The following ZBTB7C variants were observed in gnomAD, a reference collection of about 807,000 sequenced individuals.
ZBTB7C encodes the protein zinc finger and BTB domain-containing protein 7C.
ZBTB7C carries 8 observed loss-of-function variants against 25.7 expected under a neutral mutation model. The ratio of observed to expected loss-of-function variants is 0.31; its 90% CI spans 0.18 to 0.56. The LOEUF (loss-of-function observed/expected upper bound fraction) is 0.56, where lower values mean the gene tolerates loss of function less well. Ranked by LOEUF, ZBTB7C falls within the 20% of genes least tolerant of loss-of-function variation. The pLI, the probability that ZBTB7C is intolerant of heterozygous loss-of-function variation, is 0.91. For synonymous variants in ZBTB7C, 394 were observed against 369.0 expected (o/e 1.07, Z -0.78); for missense variants, 824 against 855.2 (o/e 0.96, Z 0.46).
At chr18:48,057,509 G>T (rs2036964902) in intron 3 of ZBTB7C, among the ~76,000 whole-genome samples, 1 of 152,274 alleles carries the variant, frequency 6.6e-6, no homozygotes, top group South Asian at 2.1e-4. Context: ...TGTACATACT[G>T]GTTTGTAGAT....
At chr18:48,165,318 C>T (rs1331437124) in intron 3 of ZBTB7C, 6 of 435,908 alleles carry the variant, frequency 1.4e-5, no homozygotes, top group Admixed American at 2.5e-5. Context: ...GACAACACTC[C>T]GACGTAGCCC....
chr18:48,295,990 A>G (rs925928326), intron 2 of ZBTB7C, among the ~76,000 whole-genome samples: 1 of 152,208 alleles, frequency 6.6e-6, no homozygotes, highest in Non-Finnish European at 1.5e-5. Context: ...GGTCATCTCC[A>G]TAGCATAAAT....
At chr18:48,103,334 T>C (rs1598883392) in intron 3 of ZBTB7C, among the ~76,000 whole-genome samples, 2 of 151,852 alleles carry the variant, frequency 1.3e-5, no homozygotes, top group Admixed American at 6.6e-5. Flanking sequence ...GTATCACGGA[T>C]TGTTCAATTG....
chr18:48,399,295 C>T (rs2048105248), intron 1 of ZBTB7C, among the ~76,000 whole-genome samples: 1 of 152,242 alleles, frequency 6.6e-6, no homozygotes, highest in African/African-American at 2.4e-5. Flanking sequence ...AGATGTTTCA[C>T]TTTAAAACCC....
At chr18:48,070,199 T>C (rs755655335) in intron 3 of ZBTB7C, among the ~76,000 whole-genome samples, 7 of 152,180 alleles carry the variant, frequency 4.6e-5, no homozygotes, top group Non-Finnish European at 8.8e-5. Context: ...CGGGCATTGC[T>C]AAACACATAG....
intron 1 of ZBTB7C, among the ~76,000 whole-genome samples, chr18:48,406,173 C>T (rs749475885): frequency 2.6e-5 from 4 of 152,132 alleles, no homozygotes; most frequent in South Asian, 2.1e-4. Context: ...CTGGTCCTTC[C>T]GCGCCCAAGT....
intron 1 of ZBTB7C, among the ~76,000 whole-genome samples, chr18:48,386,102 A>C (rs2047741946): frequency 6.6e-6 from 1 of 152,232 alleles, no homozygotes; most frequent in Non-Finnish European, 1.5e-5. Context: ...TCTACTAAGA[A>C]TAGGCTGCTC....
intron 1 of ZBTB7C, chr18:48,346,793 C>CTT (rs527780451): frequency 5.4e-5 from 8 of 147,184 alleles, no homozygotes; most frequent in Non-Finnish European, 1.2e-4. Flanking sequence ...TTTCTTTTTC[C>CTT]TTTTTTTTTT....
intron 2 of ZBTB7C, among the ~76,000 whole-genome samples, chr18:48,267,765 C>T (rs1233027324): frequency 6.6e-6 from 1 of 152,128 alleles, no homozygotes; most frequent in East Asian, 1.9e-4. Flanking sequence ...GGAGAGCTCC[C>T]CTGACCCTTA....
chr18:48,217,148 A>T (rs747207399), intron 2 of ZBTB7C, among the ~76,000 whole-genome samples: 9 of 152,126 alleles, frequency 5.9e-5, no homozygotes, highest in Non-Finnish European at 1.2e-4. Flanking sequence ...TTGATCTCAG[A>T]CACCTGGCCT....
chr18:48,234,754 T>G (rs542626854), intron 2 of ZBTB7C, among the ~76,000 whole-genome samples: 3 of 152,338 alleles, frequency 2.0e-5, no homozygotes, highest in South Asian at 2.1e-4. Flanking sequence ...TACCAGTTTT[T>G]GGGAATAGTT....
At chr18:48,289,182 T>C (rs2045144860) in intron 2 of ZBTB7C, among the ~76,000 whole-genome samples, 3 of 152,024 alleles carry the variant, frequency 2.0e-5, no homozygotes, top group African/African-American at 4.8e-5. Context: ...CTTTGGAGAG[T>C]AATTGGACAA....
In ZBTB7C at chr18:48,029,908, C is replaced by G. The variant is rs1361459290; in HGVS notation, c.1212G>C (p.Gln404His). Residue 404 changes from glutamine to histidine, a missense_variant, in exon 5 of 5, where the codon CAG (glutamine) becomes CAC (histidine). Around this residue, in one of 4 missense-constraint regions of ZBTB7C, gnomAD observed 49 missense variants for 81.3 expected, o/e 0.60. Coordinates refer to ENST00000590800, the MANE Select transcript of ZBTB7C (RefSeq NM_001318841.2). ...CTICEVRFTR[Q>H]DKLKIHMRKH... ...TCCGCATGTGGATTTTCAGCTTGTC[C>G]TGCCTGCAATGCAGAGACTGGGGGT... The G allele has an allele frequency of 6.2e-7, 1 of 1,610,916 alleles. No homozygotes were observed. The highest frequency in any genetic ancestry group is 2.2e-5 in the East Asian group (1 of 44,898).
chr18:48,067,160 C>G (rs1446832661), intron 3 of ZBTB7C, among the ~76,000 whole-genome samples: 1 of 152,162 alleles, frequency 6.6e-6, no homozygotes, highest in Non-Finnish European at 1.5e-5. Flanking sequence ...GCTCTATTCC[C>G]TGCCAAAATG....
intron 2 of ZBTB7C, among the ~76,000 whole-genome samples, chr18:48,191,254 T>C (rs2042187976): frequency 6.6e-6 from 1 of 152,124 alleles, no homozygotes; most frequent in African/African-American, 2.4e-5. Flanking sequence ...GGCCAGGTCA[T>C]GGGCCCTGTG....
chr18:48,183,956 C>T (rs1355045843), intron 3 of ZBTB7C, among the ~76,000 whole-genome samples: 3 of 152,104 alleles, frequency 2.0e-5, no homozygotes, highest in Non-Finnish European at 4.4e-5. Flanking sequence ...CAAGTGTTTC[C>T]TAAGAGCTCT....
At chr18:48,258,689 GCT>G (rs151040770) in intron 2 of ZBTB7C, among the ~76,000 whole-genome samples, 1,806 of 151,936 alleles carry the variant, frequency 0.012, 36 homozygotes, top group African/African-American at 0.041. Context: ...ATGGAGTCCC[GCT>G]CTGTCACCCA....
intron 2 of ZBTB7C, among the ~76,000 whole-genome samples, chr18:48,276,286 T>TC (rs1314629359): frequency 2.0e-4 from 30 of 148,508 alleles, no homozygotes; most frequent in African/African-American, 7.5e-4. Flanking sequence ...TTTTTTTTTT[T>TC]TCTAAGTCTT....
intron 2 of ZBTB7C, among the ~76,000 whole-genome samples, chr18:48,186,543 A>G (rs1198712290): frequency 6.6e-6 from 1 of 152,226 alleles, no homozygotes; most frequent in African/African-American, 2.4e-5. Flanking sequence ...GGGGAGGTTG[A>G]CTGTAAGGCC....
Sources: allele counts gnomAD v4.1 joint callset (sites outside exome capture counted in the v4.1 genomes callset), GRCh38; gene constraint gnomAD v4.1.1; regional missense constraint gnomAD v4.1.1; transcripts MANE v1.5; gene names NCBI Gene and HGNC (gene_info 2026-07-23, HGNC 2026-07-21).